The following SYMPK variants were observed in gnomAD, a reference collection of about 807,000 sequenced individuals.
The protein encoded by SYMPK is symplekin.
In SYMPK, 49 loss-of-function variants were observed where a neutral mutation model predicts 136.4. That is an observed-to-expected ratio of 0.36 (90% CI 0.29 to 0.46). The LOEUF is 0.46. Ranked by LOEUF, SYMPK falls within the 20% of genes least tolerant of loss-of-function variation. The pLI is 1.00. For synonymous variants in SYMPK, 766 were observed against 713.0 expected (o/e 1.07, Z -1.19); for missense variants, 1,365 against 1,690.0 (o/e 0.81, Z 3.37).
chr19:45,818,037 G>T lies in SYMPK; in HGVS notation c.3003C>A (p.Thr1001=). ...GGTACATGGTCAGGGACTGGATGAC[G>T]GTCCTCATGAGCAGCATGGGCAGGG... The part of the protein sequence containing the change: ...QSPLPMLLMR[T]VIQSLTMYPR... The change falls in exon 23 of 27, where the codon ACC becomes ACA. Residue 1001 remains threonine (T), a synonymous_variant. Transcript: ENST00000245934. The T allele has an allele frequency of 6.4e-7, 1 of 1,574,148 alleles. No individual in the cohort carries two copies. The highest frequency in any genetic ancestry group is 8.6e-7 in the Non-Finnish European group (1 of 1,159,804).
rs758323464 is a variant in SYMPK, at chr19:45,829,094, C to A, written c.1861G>T (p.Ala621Ser). ...GCGTTGTACTCCTGGTAGAGCCAGG[C>A]GAAGGCCAGGTCCAGGCGGGCCCGC... ...DVRARLDLAF[A>S]WLYQEYNAYL... is the part of the protein sequence containing the mutation. The change falls in exon 14 of 27, where the codon GCC becomes TCC. Residue 621 changes from alanine (A) to serine (S), a missense_variant. Coordinates refer to ENST00000245934, the MANE Select transcript of SYMPK (RefSeq NM_004819.3). 2 of 1,614,180 alleles carry A rather than the reference C, an allele frequency of 1.2e-6. No homozygotes were observed. Among genetic ancestry groups the A allele is most frequent in the Non-Finnish European group, 1.7e-6 (2 of 1,180,040 alleles).
At chr19:45,858,109 C>T (rs1013324262) in intron 1 of SYMPK, among the ~76,000 whole-genome samples, 5 of 151,928 alleles carry the variant, frequency 3.3e-5, no homozygotes, top group African/African-American at 7.3e-5. Flanking sequence ...GAAAATGACA[C>T]GTTTTTTAAA....
chr19:45,847,260 T>C (rs1374014257), intron 7 of SYMPK, among the ~76,000 whole-genome samples: 3 of 151,924 alleles, frequency 2.0e-5, no homozygotes, highest in Non-Finnish European at 4.4e-5. Context: ...CTACTAAAAA[T>C]AATTTTTAAA....
chr19:45,838,657 G>A, intron 9 of SYMPK, 42 bp from the exon 10 acceptor site: 1 of 1,585,776 alleles, frequency 6.3e-7, no homozygotes, highest in African/African-American at 1.3e-5. Flanking sequence ...TATAGAGAGA[G>A]CTGCAGGCCC....
In SYMPK at chr19:45,821,501, G is replaced by A. The variant is rs1369614793; in HGVS notation, c.2792-16C>T. 7.6e-6 allele frequency: 12 copies of A among 1,578,022 alleles called. No individual in the cohort carries two copies. Among genetic ancestry groups the A allele is most frequent in the Non-Finnish European group, 1.0e-5 (12 of 1,147,578 alleles). The stretch of plus-strand genomic sequence containing the variant: ...TTTCCCTCACCTGCAGCAGGCGGGA[G>A]GAAGGGTGGGGGAAGACAGTGCGGA... On this transcript the variant is annotated splice_polypyrimidine_tract_variant and intron_variant, in intron 21 of 26. Coordinates refer to ENST00000245934, the MANE Select transcript of SYMPK (RefSeq NM_004819.3). This position sits in a 1 kb window ranked among gnomAD's most constrained non-coding sequence, Gnocchi z 4.4.
chr19:45,817,424 T>C (rs1175960996), intron 23 of SYMPK, among the ~76,000 whole-genome samples: 1,868 of 12,482 alleles, frequency 0.15, 41 homozygotes, highest in South Asian at 0.32. Flanking sequence ...TCTCTTTTTT[T>C]TTTTTTTTTT....
At chr19:45,817,723 G>T (rs145315096) in intron 23 of SYMPK, among the ~76,000 whole-genome samples, 2 of 152,266 alleles carry the variant, frequency 1.3e-5, no homozygotes, top group African/African-American at 2.4e-5. Context: ...TGCCTCTCCC[G>T]GGTGCACACC....
intron 3 of SYMPK, 26 bp from the exon 4 acceptor site, chr19:45,852,561 G>T: frequency 1.2e-6 from 2 of 1,613,984 alleles, no homozygotes; most frequent in South Asian, 1.1e-5. Flanking sequence ...GGGTGGGGAG[G>T]AGGAATACCC....
At chr19:45,817,166 G>A (rs1476920145) in intron 23 of SYMPK, 192 bp from the exon 24 acceptor site, 2 of 564,148 alleles carry the variant, frequency 3.5e-6, no homozygotes, top group Non-Finnish European at 6.0e-6. Context: ...GGACCACGAG[G>A]GCAACTTGGG....
At position 45,822,757 on chromosome 19, in the gene SYMPK, A is replaced by C; in HGVS notation, c.2790T>G (p.His930Gln). The C allele has an allele frequency of 1.2e-6, 2 of 1,613,316 alleles. No individual in the cohort carries two copies. Among genetic ancestry groups the C allele is most frequent in the Non-Finnish European group, 1.7e-6 (2 of 1,179,414 alleles). ...TGGGGATGAGGCTGCATCACCTACC[A>C]TGCTGGGTGCCCAGCAGGCGGTTGA... ...EVFNRLLGTQ[H>Q]GEGNSALSPL... The change falls in exon 21 of 27, where the codon CAT becomes CAG. Residue 930 changes from histidine (H) to glutamine (Q), a missense_variant and splice_region_variant. Physicochemically the swap from His to Gln is conservative, Grantham distance 24. This residue lies in a region of SYMPK where 156 missense variants were observed against 217.8 expected (regional missense o/e 0.72). Transcript: ENST00000245934.
At chr19:45,827,266 G>A (rs541400175) in intron 16 of SYMPK, among the ~76,000 whole-genome samples, 4 of 152,250 alleles carry the variant, frequency 2.6e-5, no homozygotes, top group South Asian at 2.1e-4. Context: ...GAGGGCAAGC[G>A]CACGTGTGTG....
chr19:45,816,139 C>A lies in SYMPK; in HGVS notation c.3399G>T (p.Arg1133=). 1 of 1,548,772 alleles carries A rather than the reference C, an allele frequency of 6.5e-7. No homozygotes were observed. Among genetic ancestry groups the A allele is most frequent in the Non-Finnish European group, 8.7e-7 (1 of 1,144,016 alleles). The change falls in exon 26 of 27, where the codon CGG becomes CGT. Residue 1133 remains arginine, a synonymous_variant. Transcript: ENST00000245934. The part of the protein sequence containing the change: ...PLTLAPAPAP[R]PPQDLIGLRL... ...GCAGGCCGATGAGGTCCTGAGGGGGCCGGGGTGCTGGGGCCGGGGCCAAGG... is the reference window on the plus strand; with the variant it reads ...GCAGGCCGATGAGGTCCTGAGGGGGACGGGGTGCTGGGGCCGGGGCCAAGG...
chr19:45,862,385 G>C (rs548602454), intron 1 of SYMPK: 10 of 152,188 alleles, frequency 6.6e-5, no homozygotes, highest in Non-Finnish European at 1.0e-4. Flanking sequence ...ACTGGCTCTA[G>C]GAGTATCTTT....
intron 6 of SYMPK, 100 bp from the exon 7 acceptor site, chr19:45,848,101 G>T: frequency 7.2e-7 from 1 of 1,383,480 alleles, no homozygotes. Context: ...AACCATGAAT[G>T]ATGAATACAT....
rs1220681344 is a variant in SYMPK, at chr19:45,830,039, G to A, written c.1749+15C>T. 6.5e-7 allele frequency: 1 copy of A among 1,535,878 alleles called. No homozygotes were observed. ...AGGGACTGGAAGGATGGGGTGGGGG[G>A]TGGCAGGCGCACACCTGGGCTGCCC... On this transcript the variant is annotated intron_variant, in intron 13 of 26. Transcript: ENST00000245934.
At chr19:45,832,629 C>T (rs1324331460) in intron 11 of SYMPK, among the ~76,000 whole-genome samples, 1 of 152,064 alleles carries the variant, frequency 6.6e-6, no homozygotes, top group African/African-American at 2.4e-5. Flanking sequence ...TGTGGATAAA[C>T]AAATGATTGT....
At chr19:45,851,952 AAAG>A (rs769310188) in intron 5 of SYMPK, among the ~76,000 whole-genome samples, 67 of 152,366 alleles carry the variant, frequency 4.4e-4, no homozygotes, top group South Asian at 1.2e-3. Context: ...CTAAAAAGAA[AAAG>A]AAGGGAGCCA....
rs746941567 is a variant in SYMPK, at chr19:45,842,479, G to C, written c.858C>G (p.Pro286=). The C allele has an allele frequency of 6.2e-7, 1 of 1,611,396 alleles. No individual in the cohort carries two copies. Among genetic ancestry groups the C allele is most frequent in the Admixed American group, 1.7e-5 (1 of 60,012 alleles). ...QAYETLHANL[P]PTLAKSQVSS... The stretch of plus-strand genomic sequence containing the variant: ...TCACCTGCGATTTGGCCAGCGTCGG[G>C]GGCAGGTTGGCTGTGAGGAAAGTGG... Residue 286 remains proline (P), a synonymous_variant, in exon 9 of 27, where the codon CCC becomes CCG. Transcript: ENST00000245934.
At chr19:45,837,386 G>C (rs1971325798) in intron 10 of SYMPK, among the ~76,000 whole-genome samples, 1 of 152,138 alleles carries the variant, frequency 6.6e-6, no homozygotes, top group Non-Finnish European at 1.5e-5. Context: ...GGGAGGCCAT[G>C]GTGGGCGGAT....
Sources: gnomAD v4.1 joint callset for allele counts (sites outside exome capture counted in the v4.1 genomes callset) on GRCh38, gnomAD v4.1.1 for gene constraint, gnomAD v4.1.1 regional missense constraint, Gnocchi (gnomAD v3.1) non-coding constraint, MANE v1.5 for transcripts, NCBI Gene and HGNC (gene_info 2026-07-23, HGNC 2026-07-21) for gene names.